Variants in SYT12 observed in about 807,000 individuals in gnomAD.
SYT12 encodes the protein synaptotagmin-12.
In SYT12, 27 loss-of-function variants were observed where a neutral mutation model predicts 39.5. That is an observed-to-expected ratio of 0.68 (90% CI 0.50 to 0.94). The LOEUF is 0.94. Among genes scored for constraint, SYT12 ranks in the 40% least tolerant of loss-of-function variants. SYT12 has a pLI of 0.00. For missense variants in SYT12, 536 were observed against 572.6 expected, an observed-to-expected ratio of 0.94 and a Z score of 0.65; for synonymous variants, 233 against 239.7, an observed-to-expected ratio of 0.97 and a Z score of 0.26.
chr11:67,037,009 G>GT (rs1228047066), intron 3 of SYT12, among the ~76,000 whole-genome samples: 1 of 152,178 alleles, frequency 6.6e-6, no homozygotes, highest in Non-Finnish European at 1.5e-5. Context: ...GAAGGTGGAG[G>GT]TTGCAGTGAG....
Position 67,030,182 on chromosome 11 carries a change from A to G in SYT12, c.34+4A>G. The G allele has an allele frequency of 6.2e-7, 1 of 1,614,100 alleles. No homozygotes were observed. Among genetic ancestry groups the G allele is most frequent in the Non-Finnish European group, 8.5e-7 (1 of 1,180,022 alleles). The stretch of plus-strand genomic sequence containing the variant: ...GTGGCAGAATACCATCTGAGCGGTG[A>G]GTGCCCAGGGCAAACCCCTCCTGGA... On this transcript the variant is annotated splice_donor_region_variant and intron_variant, in intron 2 of 7. Transcript: ENST00000527043.
At chr11:67,027,759 A>T (rs1950201593) in intron 1 of SYT12, 1 of 152,214 alleles carries the variant, frequency 6.6e-6, no homozygotes, top group Non-Finnish European at 1.5e-5. Flanking sequence ...GTACTTTGCC[A>T]TGCATACCTT....
intron 4 of SYT12, among the ~76,000 whole-genome samples, chr11:67,042,336 G>A (rs1358294578): frequency 6.6e-6 from 1 of 152,146 alleles, no homozygotes; most frequent in African/African-American, 2.4e-5. Flanking sequence ...TGTTGCCTGT[G>A]GTTTGGGGAC....
chr11:67,008,099 G>A (rs1196706515), intron 1 of SYT12, among the ~76,000 whole-genome samples: 4 of 150,408 alleles, frequency 2.7e-5, no homozygotes. Flanking sequence ...GACTAGAGGC[G>A]CGTGCCACCA....
At position 67,043,830 on chromosome 11, in the gene SYT12, C is replaced by T; in HGVS notation, c.814C>T (p.Leu272Phe). Residue 272 changes from leucine (L) to phenylalanine (F), a missense_variant, in exon 5 of 8, where the codon CTC becomes TTC. By Grantham distance (22) the Leu-to-Phe change is conservative. Coordinates refer to ENST00000527043, the MANE Select transcript of SYT12 (RefSeq NM_177963.4). ...CCCGCTGCAGCCCTTCAGTGGCTGG[C>T]TCTATTTACAGGACCAGAACAAGGT... ...DLPLQPFSGW[L>F]YLQDQNKAAD... 6.2e-7 allele frequency: 1 copy of T among 1,614,052 alleles called. No homozygotes were observed. The highest frequency in any genetic ancestry group is 2.2e-5 in the East Asian group (1 of 44,888).
intron 7 of SYT12, among the ~76,000 whole-genome samples, 192 bp downstream of exon 7, chr11:67,046,069 C>T (rs1049969471): frequency 2.6e-5 from 4 of 152,002 alleles, no homozygotes; most frequent in Non-Finnish European, 5.9e-5. Flanking sequence ...ATGGCTTTCT[C>T]GGTGCTCACA....
rs1950131780 is a variant in SYT12 at position 67,023,166 on chromosome 11, C to T, written c.-318C>T. 6.6e-6 allele frequency among the ~76,000 whole-genome samples: 1 copy of T among 152,170 alleles called. No homozygotes were observed. The highest frequency in any genetic ancestry group is 2.4e-5 in the African/African-American group (1 of 41,456). ...GCTCGGACCCCAGGAGCAGAGACAG[C>T]GCTCGAGCTTGTCACTTTAAATTCA... On this transcript the variant is annotated 5_prime_UTR_variant, in exon 1 of 8. Coordinates refer to ENST00000527043, the MANE Select transcript of SYT12 (RefSeq NM_177963.4).
At chr11:67,017,892 G>A (rs535541604) in intron 3 of SYT12, among the ~76,000 whole-genome samples, 4 of 151,950 alleles carry the variant, frequency 2.6e-5, no homozygotes, top group Non-Finnish European at 4.4e-5. Flanking sequence ...CCCAGGAGGC[G>A]GAGGTTGCAG....
chr11:67,040,187 T>A lies in SYT12; in HGVS notation c.605T>A (p.Ile202Asn). 1 of 1,578,210 alleles carries A rather than the reference T, an allele frequency of 6.3e-7. No individual in the cohort carries two copies. The highest frequency in any genetic ancestry group is 8.6e-7 in the Non-Finnish European group (1 of 1,158,794). Reference sequence around the variant, plus strand: ...GTCAGCCTGCTGCCGGACGAGCAGATCGTGGGCATTTCTCGGGTAAGTGGG... The same window carrying A: ...GTCAGCCTGCTGCCGGACGAGCAGAACGTGGGCATTTCTCGGGTAAGTGGG... ...MRVSLLPDEQ[I>N]VGISRIQRNA... The change falls in exon 4 of 8, where the codon ATC becomes AAC. Residue 202 changes from isoleucine to asparagine, a missense_variant. Physicochemically the swap from Ile to Asn is moderately radical, Grantham distance 149. Transcript: ENST00000527043.
At chr11:67,019,302 AT>A (rs1950085352), upstream of SYT12, among the ~76,000 whole-genome samples, 1 of 151,884 alleles carries the variant, frequency 6.6e-6, no homozygotes, top group Non-Finnish European at 1.5e-5. Context: ...GAGAAACCCC[AT>A]CTCTACTAAA....
In SYT12 at chr11:67,043,687, C is replaced by T; in HGVS notation, c.671C>T (p.Pro224Leu). The part of the protein sequence containing the change: ...SIFFDEKFSI[P>L]LDPTALEEKS... ...TTCTTTGATGAGAAGTTCTCCATCC[C>T]CCTGGATCCCACAGCCCTGGAGGAG... is the stretch of plus-strand genomic sequence containing the variant. Residue 224 changes from proline (P) to leucine (L), a missense_variant, in exon 5 of 8, where the codon CCC becomes CTC. Transcript: ENST00000527043. The T allele has an allele frequency of 6.2e-7, 1 of 1,614,130 alleles. No homozygotes were observed. Among genetic ancestry groups the T allele is most frequent in the Non-Finnish European group, 8.5e-7 (1 of 1,180,028 alleles).
At chr11:67,022,004 C>T (rs940720273), upstream of SYT12, 2 of 150,086 alleles carry the variant, frequency 1.3e-5, no homozygotes, top group South Asian at 2.1e-4. Flanking sequence ...AGCTCCGCCT[C>T]CTGGGTTCAC....
chr11:67,029,966 C>A (rs894681591), intron 1 of SYT12, 156 bp from the exon 2 acceptor site: 12 of 602,196 alleles, frequency 2.0e-5, no homozygotes, highest in African/African-American at 1.3e-4. Context: ...CTTTAAACAT[C>A]ATTTCTTAAA....
intron 3 of SYT12, among the ~76,000 whole-genome samples, chr11:67,014,129 T>C (rs1220417544): frequency 6.6e-6 from 1 of 152,236 alleles, no homozygotes; most frequent in Non-Finnish European, 1.5e-5. Flanking sequence ...GATTACAGCT[T>C]GAGATCCTTC....
chr11:67,017,987 C>T (rs1425767331), intron 3 of SYT12, among the ~76,000 whole-genome samples: 4 of 148,964 alleles, frequency 2.7e-5, no homozygotes, highest in African/African-American at 7.5e-5. Context: ...AAAGGCCGGG[C>T]GCGGTGGCTC....
chr11:67,018,288 AT>A (rs1323704560), upstream of SYT12, among the ~76,000 whole-genome samples: 3 of 151,852 alleles, frequency 2.0e-5, no homozygotes, highest in Admixed American at 6.6e-5. Flanking sequence ...TTTTTTTTAA[AT>A]AACTGGGCTG....
chr11:67,040,435 G>C (rs1950489436), intron 4 of SYT12, among the ~76,000 whole-genome samples: 1 of 152,158 alleles, frequency 6.6e-6, no homozygotes, highest in Non-Finnish European at 1.5e-5. Flanking sequence ...GTCCCACCAG[G>C]TGAATACAGA....
At chr11:67,033,222 C>T (rs1950303517) in intron 2 of SYT12, among the ~76,000 whole-genome samples, 1 of 152,082 alleles carries the variant, frequency 6.6e-6, no homozygotes, top group Non-Finnish European at 1.5e-5. Context: ...CTTCCAGCTC[C>T]TGTTGCCGTG....
chr11:67,025,034 C>T (rs890850797), intron 1 of SYT12, among the ~76,000 whole-genome samples: 1 of 152,194 alleles, frequency 6.6e-6, no homozygotes, highest in Admixed American at 6.5e-5. Context: ...TCTTCCAACT[C>T]CCCACCCCAA....
Sources: gnomAD v4.1 joint callset for allele counts (sites outside exome capture counted in the v4.1 genomes callset) on GRCh38, gnomAD v4.1.1 for gene constraint, MANE v1.5 for transcripts, NCBI Gene and HGNC (gene_info 2026-07-23, HGNC 2026-07-21) for gene names.